The following PPP1CB variants were observed in gnomAD, a reference collection of about 807,000 sequenced individuals.
PPP1CB encodes serine/threonine-protein phosphatase PP1-beta catalytic subunit.
In PPP1CB, 2 loss-of-function variants were observed where a neutral mutation model predicts 43.7. That is an observed-to-expected ratio of 0.05 (90% CI 0.02 to 0.14). The LOEUF is 0.14. Among genes scored for constraint, PPP1CB ranks in the 10% least tolerant of loss-of-function variants. The pLI, the probability that PPP1CB is intolerant of heterozygous loss-of-function variation, is 1.00. For missense variants in PPP1CB, 84 were observed against 398.0 expected, an observed-to-expected ratio of 0.21 and a Z score of 6.71; for synonymous variants, 136 against 135.6, an observed-to-expected ratio of 1.00 and a Z score of -0.02.
At chr2:28,787,755 CCTA>C (rs1289496205) in intron 5 of PPP1CB, among the ~76,000 whole-genome samples, 3 of 152,178 alleles carry the variant, frequency 2.0e-5, no homozygotes, top group Non-Finnish European at 2.9e-5. Context: ...CTTCTCAATA[CCTA>C]ATGTTCATTC....
chr2:28,788,905 T>C, intron 6 of PPP1CB, 96 bp downstream of exon 6: 1 of 1,237,256 alleles, frequency 8.1e-7, no homozygotes, highest in South Asian at 1.6e-5. Flanking sequence ...TCACCCAGGC[T>C]GGAGTGCAAT....
chr2:28,778,335 A>G, intron 2 of PPP1CB: 1 of 470,018 alleles, frequency 2.1e-6, no homozygotes, highest in Non-Finnish European at 4.4e-6. Flanking sequence ...ACCATCTCAC[A>G]ATTTCTGTGG....
At chr2:28,751,772 G>A (rs777332824), upstream of PPP1CB, 2 of 357,994 alleles carry the variant, frequency 5.6e-6, no homozygotes, top group Non-Finnish European at 1.0e-5. Flanking sequence ...CGGCGCGCAA[G>A]GGACGTGCGG....
intron 1 of PPP1CB, among the ~76,000 whole-genome samples, chr2:28,755,737 G>A (rs746720947): frequency 1.3e-5 from 2 of 152,200 alleles, no homozygotes; most frequent in African/African-American, 2.4e-5. Flanking sequence ...GGAATGAGTA[G>A]AATCTAATGC....
chr2:28,779,996 A>G (rs1176579065), intron 3 of PPP1CB, among the ~76,000 whole-genome samples: 10 of 151,292 alleles, frequency 6.6e-5, no homozygotes, highest in Non-Finnish European at 1.2e-4. Context: ...CTGGGACTGT[A>G]TGTCCTTGTA....
At chr2:28,773,634 T>C (rs1310988428) in intron 1 of PPP1CB, among the ~76,000 whole-genome samples, 1 of 150,718 alleles carries the variant, frequency 6.6e-6, no homozygotes, top group African/African-American at 2.4e-5. Context: ...AGCAGTCTAG[T>C]TGCCCTGTGT....
At chr2:28,792,290 A>G (rs1407027775) in intron 6 of PPP1CB, among the ~76,000 whole-genome samples, 1 of 152,098 alleles carries the variant, frequency 6.6e-6, no homozygotes, top group African/African-American at 2.4e-5. Flanking sequence ...CCGTGAGCCG[A>G]GATCGCGCCG....
intron 4 of PPP1CB, 86 bp downstream of exon 4, chr2:28,781,928 CA>C: frequency 1.1e-6 from 1 of 900,746 alleles, no homozygotes; most frequent in Non-Finnish European, 1.8e-6. Context: ...TGTGGGAAAA[CA>C]AAGCAGTGCT....
intron 6 of PPP1CB, 109 bp downstream of exon 6, chr2:28,788,918 C>T (rs925096422): frequency 4.1e-5 from 47 of 1,139,866 alleles, no homozygotes; most frequent in Middle Eastern, 3.0e-4. Context: ...AGTGCAATGG[C>T]GCAATCTCTG....
intron 1 of PPP1CB, among the ~76,000 whole-genome samples, chr2:28,763,702 C>T (rs1201766485): frequency 1.3e-5 from 2 of 151,724 alleles, no homozygotes; most frequent in East Asian, 1.9e-4. Flanking sequence ...TCTGAATCCA[C>T]GTTAGTTATT....
intron 6 of PPP1CB, among the ~76,000 whole-genome samples, chr2:28,792,282 G>A (rs992932586): frequency 6.6e-6 from 1 of 151,938 alleles, no homozygotes; most frequent in Non-Finnish European, 1.5e-5. Context: ...AGAGGTTGCC[G>A]TGAGCCGAGA....
intron 1 of PPP1CB, among the ~76,000 whole-genome samples, chr2:28,759,443 C>T (rs573221310): frequency 6.9e-6 from 1 of 145,772 alleles, no homozygotes; most frequent in Admixed American, 7.3e-5. Context: ...TCACTTGAAC[C>T]TGGGAGGTGG....
intron 1 of PPP1CB, among the ~76,000 whole-genome samples, chr2:28,770,147 C>T (rs1407647093): frequency 6.6e-6 from 1 of 152,028 alleles, no homozygotes; most frequent in Non-Finnish European, 1.5e-5. Context: ...CCTGTAATCC[C>T]AGCTACTCAG....
At chr2:28,797,220 C>G (rs953962048) in intron 7 of PPP1CB, among the ~76,000 whole-genome samples, 2 of 152,044 alleles carry the variant, frequency 1.3e-5, no homozygotes, top group Admixed American at 6.6e-5. Flanking sequence ...GGATATTGGC[C>G]TGAGGTTTTC....
intron 6 of PPP1CB, among the ~76,000 whole-genome samples, chr2:28,789,593 ATTTTT>A (rs70956041): frequency 0.11 from 10,187 of 96,672 alleles, 737 homozygotes; most frequent in African/African-American, 0.26. Flanking sequence ...TATGATTTAG[ATTTTT>A]TTTTTTTTTT....
intron 6 of PPP1CB, among the ~76,000 whole-genome samples, chr2:28,791,424 G>A (rs1421434861): frequency 3.3e-5 from 5 of 151,640 alleles, no homozygotes; most frequent in Admixed American, 1.3e-4. Flanking sequence ...TCCACCTCCC[G>A]GGTTCAAGTG....
At chr2:28,792,945 C>T (rs946109168) in intron 6 of PPP1CB, among the ~76,000 whole-genome samples, 1 of 152,192 alleles carries the variant, frequency 6.6e-6, no homozygotes, top group Non-Finnish European at 1.5e-5. Context: ...GTGGCTCACG[C>T]CTGTAATCCC....
chr2:28,765,346 A>G (rs1219888272), intron 1 of PPP1CB, among the ~76,000 whole-genome samples: 1 of 152,232 alleles, frequency 6.6e-6, no homozygotes, highest in East Asian at 1.9e-4. Flanking sequence ...ACACAGGGAC[A>G]TACTGCATAT....
chr2:28,756,317 G>C (rs1666487987), intron 1 of PPP1CB, among the ~76,000 whole-genome samples: 2 of 152,136 alleles, frequency 1.3e-5, no homozygotes, highest in Non-Finnish European at 2.9e-5. Context: ...CCCACTTACA[G>C]TTTTATGAAA....
Sources: allele counts gnomAD v4.1 joint callset (sites outside exome capture counted in the v4.1 genomes callset), GRCh38; gene constraint gnomAD v4.1.1; transcripts MANE v1.5; gene names NCBI Gene and HGNC (gene_info 2026-07-23, HGNC 2026-07-21).